Variants in TPTE2 observed in about 807,000 individuals in gnomAD.
The protein encoded by TPTE2 is phosphatidylinositol 3,4,5-trisphosphate 3-phosphatase TPTE2.
Under a neutral mutation model 78.6 loss-of-function variants are expected in TPTE2, and 53 were observed. That is an observed-to-expected ratio of 0.67 (90% CI 0.54 to 0.85). The LOEUF (loss-of-function observed/expected upper bound fraction) is 0.85, where lower values mean the gene tolerates loss of function less well. Ranked by LOEUF, TPTE2 falls within the 40% of genes least tolerant of loss-of-function variation. TPTE2 has a pLI of 0.00. For missense variants in TPTE2, 461 were observed against 623.0 expected (o/e 0.74, Z 2.77); for synonymous variants, 175 against 206.2 (o/e 0.85, Z 1.30).
chr13:19,546,483 C>CTTTTTTTTTTTT, the TPTE2 span, among the ~76,000 whole-genome samples: 3 of 85,022 alleles, frequency 3.5e-5, no homozygotes, highest in African/African-American at 4.6e-5. Flanking sequence ...TTTTCTTTTT[C>CTTTTTTTTTTTT]TTTTTTTTTT....
chr13:19,424,338 T>A (rs952907323), intron 19 of TPTE2, among the ~76,000 whole-genome samples: 6 of 151,674 alleles, frequency 4.0e-5, no homozygotes, highest in African/African-American at 1.4e-4. Flanking sequence ...ATATGGCAGG[T>A]TTTTTTGGAA....
At chr13:19,505,794 C>A (rs1264776535), upstream of TPTE2, 1 of 152,014 alleles carries the variant, frequency 6.6e-6, no homozygotes, top group Non-Finnish European at 1.5e-5. Flanking sequence ...CCCTTTGGCC[C>A]ACTCTAGTAG....
intron 10 of TPTE2, among the ~76,000 whole-genome samples, chr13:19,461,363 G>A (rs140548379): frequency 0.024 from 3,715 of 151,948 alleles, 63 homozygotes; most frequent in Middle Eastern, 0.051. Context: ...TGCATACAAT[G>A]TGTAATGATC....
intron 1 of TPTE2, among the ~76,000 whole-genome samples, chr13:19,501,361 A>C (rs1329627414): frequency 1.6e-5 from 2 of 126,726 alleles, no homozygotes; most frequent in East Asian, 4.4e-4. Context: ...CTAAGCCAAA[A>C]GAACAAAGCT....
intron 15 of TPTE2, among the ~76,000 whole-genome samples, chr13:19,434,993 T>C (rs769963404): frequency 6.6e-6 from 1 of 152,198 alleles, no homozygotes; most frequent in Non-Finnish European, 1.5e-5. Context: ...TTAAATGAGA[T>C]AGTGAATAGA....
chr13:19,513,607 G>A (rs112103813), intron 1 of TPTE2, among the ~76,000 whole-genome samples: 3,752 of 152,162 alleles, frequency 0.025, 63 homozygotes, highest in Middle Eastern at 0.051. Flanking sequence ...CTATGATTGC[G>A]CTACAAATTA....
chr13:19,530,508 T>G (rs1593423241), intron 1 of TPTE2, among the ~76,000 whole-genome samples: 2 of 152,206 alleles, frequency 1.3e-5, no homozygotes, highest in Non-Finnish European at 2.9e-5. Context: ...CTTCAAATGG[T>G]TGAAGTATCT....
the TPTE2 span, chr13:19,560,697 T>C: frequency 2.9e-3 from 4,402 of 1,504,758 alleles, 18 homozygotes; most frequent in Non-Finnish European, 3.5e-3. Context: ...GAGACACCAG[T>C]GCATTCACTG....
chr13:19,534,074 T>C (rs568813977), intron 1 of TPTE2, among the ~76,000 whole-genome samples: 35 of 152,302 alleles, frequency 2.3e-4, no homozygotes, highest in African/African-American at 7.7e-4. Context: ...ATATTGTAAG[T>C]CAAGTGCCTT....
At chr13:19,455,694 C>G (rs942939130) in intron 10 of TPTE2, among the ~76,000 whole-genome samples, 1 of 8,282 alleles carries the variant, frequency 1.2e-4, no homozygotes, top group Admixed American at 2.6e-3. Flanking sequence ...TCTAGTGATA[C>G]ATAAAAAAAT....
rs1212017106 is a variant in TPTE2, at chr13:19,497,212, G to C, written c.12-3711C>G. ...TGAGATCAAACTGCAAGGCGGCAGC[G>C]AGGCTGGGGGAGGGGCGCCCGACAT... On this transcript the variant is annotated intron_variant, in intron 1 of 19. Transcript: ENST00000400230. Among the ~76,000 whole-genome samples the C allele has an allele frequency of 2.3e-3, 350 of 149,148 alleles. 3 individuals are homozygous for C. In the East Asian group the frequency reaches 0.031, roughly 13 times the overall value.
intron 1 of TPTE2, among the ~76,000 whole-genome samples, chr13:19,513,665 C>G (rs1433694073): frequency 4.6e-5 from 7 of 152,144 alleles, no homozygotes; most frequent in Admixed American, 3.9e-4. Context: ...TATTTGGCAC[C>G]TGGTACTTCA....
chr13:19,527,247 A>G (rs1226567755), intron 1 of TPTE2, among the ~76,000 whole-genome samples: 3 of 152,226 alleles, frequency 2.0e-5, no homozygotes, highest in Non-Finnish European at 4.4e-5. Context: ...GTTCTATAGC[A>G]GAGTAGGGTG....
At chr13:19,549,119 C>A in the TPTE2 span, among the ~76,000 whole-genome samples, 131 of 133,160 alleles carry the variant, frequency 9.8e-4, no homozygotes, top group Middle Eastern at 3.7e-3. Context: ...AACTCTGTCT[C>A]AAAAAAAAAA....
intron 6 of TPTE2, among the ~76,000 whole-genome samples, chr13:19,470,456 A>G (rs1195998972): frequency 1.3e-5 from 2 of 152,094 alleles, no homozygotes; most frequent in African/African-American, 4.8e-5. Flanking sequence ...TTTTTGCATC[A>G]ATATTTATCA....
At chr13:19,437,991 G>C (rs994582511) in intron 14 of TPTE2, 101 bp downstream of exon 17, 41 of 1,484,568 alleles carry the variant, frequency 2.8e-5, no homozygotes, top group Non-Finnish European at 3.3e-5. Context: ...ATTTTACTAA[G>C]CACCATGACT....
intron 17 of TPTE2, among the ~76,000 whole-genome samples, chr13:19,427,892 C>A (rs1468792143): frequency 6.6e-6 from 1 of 152,156 alleles, no homozygotes; most frequent in Non-Finnish European, 1.5e-5. Context: ...AAAGGAGGTG[C>A]AGACTCAGTT....
At position 19,535,136 on chromosome 13, in the gene TPTE2, G is replaced by A. The variant is rs1367009486; in HGVS notation, c.-44+1460C>T. Among the ~76,000 whole-genome samples, 2 of 151,972 alleles carry A rather than the reference G, an allele frequency of 1.3e-5. No homozygotes were observed. Among genetic ancestry groups the A allele is most frequent in the Non-Finnish European group, 1.5e-5 (1 of 68,022 alleles). On this transcript the variant is annotated intron_variant, in intron 1 of 17. Coordinates refer to the TPTE2 transcript ENST00000390680. The surrounding 1 kb of genome is among the most constrained non-coding windows in gnomAD (Gnocchi z 5.1). Reference sequence around the variant, plus strand: ...GGAGAATCACTGGAACCCAGGAGGCGGAGGTTGCAGTGAGCTGAGATCACA... The same window carrying A: ...GGAGAATCACTGGAACCCAGGAGGCAGAGGTTGCAGTGAGCTGAGATCACA...
intron 5 of TPTE2, 134 bp downstream of exon 8, chr13:19,475,435 AGGCT>A: frequency 1.4e-6 from 1 of 720,914 alleles, no homozygotes. Context: ...CATGTTAGCC[AGGCT>A]GGTCTTGAAC....
Sources: gnomAD v4.1 joint callset for allele counts (sites outside exome capture counted in the v4.1 genomes callset) on GRCh38, gnomAD v4.1.1 for gene constraint, Gnocchi (gnomAD v3.1) non-coding constraint, MANE v1.5 for transcripts, NCBI Gene and HGNC (gene_info 2026-07-23, HGNC 2026-07-21) for gene names.